The following XKR9 variants were observed in gnomAD, a reference collection of about 807,000 sequenced individuals.
The protein encoded by XKR9 is XK related 9, also known as XK-related protein 9.
A neutral mutation model predicts 32.0 loss-of-function variants in XKR9; 32 were observed. The observed-to-expected ratio is 1.00, with a 90% CI of 0.76 to 1.34. The LOEUF (loss-of-function observed/expected upper bound fraction) is 1.34. Ranked by LOEUF, XKR9 falls within the 40% of genes most tolerant of loss-of-function variation. The pLI, the probability that XKR9 is intolerant of heterozygous loss-of-function variation, is 0.00. For synonymous variants in XKR9, 168 were observed against 143.4 expected (o/e 1.17, Z -1.22); for missense variants, 546 against 429.7 (o/e 1.27, Z -2.39).
the XKR9 span, among the ~76,000 whole-genome samples, chr8:71,020,828 T>G: frequency 2.6e-5 from 4 of 152,248 alleles, no homozygotes; most frequent in Non-Finnish European, 5.9e-5. Flanking sequence ...ATTATCACCC[T>G]ACTTTGCTAT....
chr8:70,951,303 TC>T, the XKR9 span, among the ~76,000 whole-genome samples: 7 of 152,254 alleles, frequency 4.6e-5, no homozygotes, highest in African/African-American at 1.7e-4. Context: ...TGTTTGAACA[TC>T]CATTTGTGAT....
the XKR9 span, among the ~76,000 whole-genome samples, chr8:70,863,094 G>C: frequency 6.6e-6 from 1 of 152,112 alleles, no homozygotes; most frequent in Admixed American, 6.6e-5. Flanking sequence ...TGTTGAGCGA[G>C]GTAGGAGCCA....
At chr8:70,710,611 G>A (rs960415869) in intron 4 of XKR9, among the ~76,000 whole-genome samples, 2 of 152,170 alleles carry the variant, frequency 1.3e-5, no homozygotes, top group Non-Finnish European at 2.9e-5. Flanking sequence ...GCTGAGGCAG[G>A]AGAATCGCTT....
At chr8:70,957,516 C>T in the XKR9 span, among the ~76,000 whole-genome samples, 5 of 152,122 alleles carry the variant, frequency 3.3e-5, no homozygotes, top group African/African-American at 1.2e-4. Context: ...AACTATTCTT[C>T]CTGATGCTCT....
chr8:70,808,655 T>C, the XKR9 span, among the ~76,000 whole-genome samples: 5 of 152,192 alleles, frequency 3.3e-5, no homozygotes, highest in African/African-American at 4.8e-5. Context: ...TTGTATCCTG[T>C]GCATGACTTG....
the XKR9 span, among the ~76,000 whole-genome samples, chr8:70,817,391 A>C: frequency 2.0e-5 from 3 of 152,332 alleles, no homozygotes; most frequent in Admixed American, 2.0e-4. Context: ...ACACAAAGAA[A>C]TAAAATACCT....
chr8:70,950,192 T>G, the XKR9 span, among the ~76,000 whole-genome samples: 1 of 152,178 alleles, frequency 6.6e-6, no homozygotes, highest in Non-Finnish European at 1.5e-5. Flanking sequence ...TATTTCCAGC[T>G]CTTGCCCTCA....
chr8:70,777,483 T>G (rs556039462), intron 2 of XKR9, among the ~76,000 whole-genome samples: 24 of 152,276 alleles, frequency 1.6e-4, no homozygotes, highest in Non-Finnish European at 3.2e-4. Flanking sequence ...GTAATGGGAT[T>G]GCTGGGTCAA....
At chr8:70,701,137 C>A (rs1313504258) in intron 3 of XKR9, among the ~76,000 whole-genome samples, 1 of 152,218 alleles carries the variant, frequency 6.6e-6, no homozygotes, top group Non-Finnish European at 1.5e-5. Flanking sequence ...CCTTGCACTT[C>A]CCGAGTGAGG....
At chr8:70,693,928 G>A (rs553748858) in intron 3 of XKR9, among the ~76,000 whole-genome samples, 43 of 152,328 alleles carry the variant, frequency 2.8e-4, no homozygotes, top group African/African-American at 1.0e-3. Context: ...CAGAGGCTCT[G>A]TCTATGGAGT....
intron 2 of XKR9, among the ~76,000 whole-genome samples, chr8:70,761,620 C>T (rs150778792): frequency 2.6e-5 from 4 of 152,176 alleles, no homozygotes; most frequent in African/African-American, 7.2e-5. Flanking sequence ...ATGCAGTTCG[C>T]AAACATTTTC....
chr8:70,882,112 G>T, the XKR9 span, among the ~76,000 whole-genome samples: 1 of 152,152 alleles, frequency 6.6e-6, no homozygotes, highest in African/African-American at 2.4e-5. Flanking sequence ...GGGGCCTGTT[G>T]GTGGTGGGGG....
At chr8:70,781,753 A>G (rs1242972840) in intron 2 of XKR9, among the ~76,000 whole-genome samples, 2 of 152,012 alleles carry the variant, frequency 1.3e-5, no homozygotes, top group Non-Finnish European at 2.9e-5. Context: ...AGAGTTGTCT[A>G]TTCAGCTCAT....
intron 2 of XKR9, among the ~76,000 whole-genome samples, chr8:70,759,728 G>C (rs1448126985): frequency 6.6e-6 from 1 of 152,118 alleles, no homozygotes; most frequent in African/African-American, 2.4e-5. Context: ...GCATTGGTGA[G>C]CTCACCTGAT....
At chr8:70,682,159 T>C (rs17760385) in intron 3 of XKR9, among the ~76,000 whole-genome samples, 11,030 of 152,098 alleles carry the variant, frequency 0.073, 472 homozygotes, top group Non-Finnish European at 0.089. Flanking sequence ...AAAAAGTGCT[T>C]TAGTTGTTGG....
At chr8:70,708,766 T>C (rs960640647) in intron 4 of XKR9, among the ~76,000 whole-genome samples, 2 of 152,130 alleles carry the variant, frequency 1.3e-5, no homozygotes, top group African/African-American at 4.8e-5. Context: ...TAACTATGTA[T>C]AAAATTATGT....
chr8:71,051,048 T>TA, the XKR9 span, among the ~76,000 whole-genome samples: 47 of 147,236 alleles, frequency 3.2e-4, no homozygotes, highest in Admixed American at 4.8e-4. Context: ...CAGTGGGGAA[T>TA]AAAAAAAAAA....
chr8:71,031,303 C>G, the XKR9 span, among the ~76,000 whole-genome samples: 2 of 152,082 alleles, frequency 1.3e-5, no homozygotes, highest in Non-Finnish European at 1.5e-5. Flanking sequence ...TCCACCTACT[C>G]AAGTAAATTT....
chr8:70,904,215 G>T, the XKR9 span, among the ~76,000 whole-genome samples: 2 of 152,098 alleles, frequency 1.3e-5, no homozygotes, highest in African/African-American at 2.4e-5. Flanking sequence ...TGACAGTGGG[G>T]TGTTAAAGTC....
Sources: gnomAD v4.1 joint callset for allele counts (sites outside exome capture counted in the v4.1 genomes callset) on GRCh38, gnomAD v4.1.1 for gene constraint, MANE v1.5 for transcripts, NCBI Gene and HGNC (gene_info 2026-07-23, HGNC 2026-07-21) for gene names.